The following PPP4C variants were observed in gnomAD, a reference collection of about 807,000 sequenced individuals.
PPP4C encodes protein phosphatase 4 catalytic subunit.
PPP4C carries 10 observed loss-of-function variants against 40.5 expected under a neutral mutation model. That is an observed-to-expected ratio of 0.25 (90% confidence interval 0.15 to 0.42). The LOEUF (loss-of-function observed/expected upper bound fraction) is 0.42. Ranked by LOEUF, PPP4C falls within the 10% of genes least tolerant of loss-of-function variation. The pLI, the probability that PPP4C is intolerant of heterozygous loss-of-function variation, is 1.00. For synonymous variants in PPP4C, 187 were observed against 163.6 expected (o/e 1.14, Z -1.09); for missense variants, 191 against 416.4 (o/e 0.46, Z 4.71).
chr16:30,076,163 G>C (rs1022766190), intron 1 of PPP4C, 69 bp downstream of exon 1: 59 of 580,538 alleles, frequency 1.0e-4, no homozygotes, highest in Non-Finnish European at 1.6e-4. Context: ...GGGAGTTAGC[G>C]GGGGTGCGGC....
intron 7 of PPP4C, 147 bp from the exon 8 acceptor site, chr16:30,084,519 C>A: frequency 1.4e-6 from 1 of 731,722 alleles, no homozygotes; most frequent in Non-Finnish European, 2.3e-6. Context: ...CCCCGCCATC[C>A]CACAGACCAT....
intron 2 of PPP4C, among the ~76,000 whole-genome samples, chr16:30,076,943 G>T (rs1408922997): frequency 6.6e-6 from 1 of 152,194 alleles, no homozygotes; most frequent in Non-Finnish European, 1.5e-5. Context: ...GAACTTTCAT[G>T]TTCAAAGTTA....
At position 30,085,145 on chromosome 16, in the gene PPP4C, C is replaced by T. The variant is rs2072596848; in HGVS notation, c.*83C>T. 16 of 1,476,226 alleles carry T rather than the reference C, an allele frequency of 1.1e-5. No individual in the cohort carries two copies. Among genetic ancestry groups the T allele is most frequent in the East Asian group, 4.6e-5 (2 of 43,228 alleles). The allele number at this position is 1,476,226 out of a possible 1,614,324, so 91.4% of individuals were successfully genotyped here. ...CCATCTTCCTCAGACGGAGGCTGGG[C>T]GTGGGGGGGGCTGTCCTGGCTCTGC... On this transcript the variant is annotated 3_prime_UTR_variant, in exon 9 of 9. Coordinates refer to ENST00000279387, the MANE Select transcript of PPP4C (RefSeq NM_002720.3).
intron 2 of PPP4C, among the ~76,000 whole-genome samples, chr16:30,079,336 C>G (rs549744505): frequency 3.3e-5 from 5 of 151,994 alleles, no homozygotes; most frequent in African/African-American, 1.2e-4. Flanking sequence ...ATTACAGGCA[C>G]GCGCCACCAT....
Position 30,085,287 on chromosome 16 carries a change from T to TTTCTTTTTTTCC in PPP4C, c.*235_*246dup. The TTTCTTTTTTTCC allele has an allele frequency of 4.9e-6, 2 of 409,886 alleles. No individual in the cohort carries two copies. The highest frequency in any genetic ancestry group is 4.1e-5 in the African/African-American group (2 of 48,956). 25.4% of individuals were successfully genotyped at this position (409,886 alleles called of 1,614,324 possible). A position where few individuals can be genotyped will look rare whatever the true frequency, so the allele number is the denominator to read the frequency against. On this transcript the variant is annotated 3_prime_UTR_variant, in exon 9 of 9. Coordinates refer to ENST00000279387, the MANE Select transcript of PPP4C (RefSeq NM_002720.3). ...ACCATGAAGTTTCCAATAATTTTTT[T>TTTCTTTTTTTCC]TTCTTTTTTTCCTTCTTTTTTCTGT...
chr16:30,080,160 CAT>C (rs2072476539), intron 2 of PPP4C, among the ~76,000 whole-genome samples: 1 of 151,812 alleles, frequency 6.6e-6, no homozygotes, highest in Non-Finnish European at 1.5e-5. Flanking sequence ...GCCTGGGCAA[CAT>C]AGTGAAATCT....
chr16:30,079,194 T>C (rs2072458784), intron 2 of PPP4C, among the ~76,000 whole-genome samples: 1 of 151,424 alleles, frequency 6.6e-6, no homozygotes, highest in Admixed American at 6.6e-5. Flanking sequence ...TTTTTTCTTT[T>C]TTTTTTTTTT....
chr16:30,081,842 C>G (rs2072513894), intron 3 of PPP4C, among the ~76,000 whole-genome samples: 4 of 151,944 alleles, frequency 2.6e-5, no homozygotes, highest in Admixed American at 2.6e-4. Flanking sequence ...ATCATGAGGT[C>G]AGGAGATCGA....
At chr16:30,080,058 C>CT (rs900766428) in intron 2 of PPP4C, among the ~76,000 whole-genome samples, 18 of 152,014 alleles carry the variant, frequency 1.2e-4, no homozygotes, top group Non-Finnish European at 2.1e-4. Context: ...AATTGGGTAT[C>CT]TATAGGCTGG....
rs1374851834 is a variant in PPP4C at position 30,085,280 on chromosome 16, A to T, written c.*218A>T. On this transcript the variant is annotated 3_prime_UTR_variant, in exon 9 of 9. Transcript: ENST00000279387. ...CACTTGAACCATGAAGTTTCCAATA[A>T]TTTTTTTTTCTTTTTTTCCTTCTTT... The T allele has an allele frequency of 1.2e-5, 5 of 406,750 alleles. No homozygotes were observed. Among genetic ancestry groups the T allele is most frequent in the Middle Eastern group, 6.4e-4 (1 of 1,568 alleles). The allele number at this position is 406,750 out of a possible 1,614,324, so 25.2% of individuals were successfully genotyped here.
In PPP4C at chr16:30,081,094, C is replaced by A. The variant is rs552971081; in HGVS notation, c.99-165C>A. 1.3e-5 allele frequency: 11 copies of A among 863,970 alleles called. No homozygotes were observed. The South Asian group carries it at 1.4e-4, about 11-fold the overall frequency. The allele number at this position is 863,970 out of a possible 1,614,324, so 53.5% of individuals were successfully genotyped here. A position where few individuals can be genotyped will look rare whatever the true frequency, so the allele number is the denominator to read the frequency against. ...AGCAGGGGGCCACGGAAGGGTGTTG[C>A]ATGCTGAAGGGCCGTGGTCAGCCTG... is the stretch of plus-strand genomic sequence containing the variant. On this transcript the variant is annotated intron_variant, in intron 2 of 8. Transcript: ENST00000279387.
chr16:30,084,036 A>C (rs1383015578), intron 7 of PPP4C, among the ~76,000 whole-genome samples: 1 of 152,238 alleles, frequency 6.6e-6, no homozygotes, highest in Admixed American at 6.5e-5. Flanking sequence ...CAGCTTCTTC[A>C]GAGGTCAGAA....
chr16:30,085,250 C>CT lies in PPP4C; in HGVS notation c.*189dup. ...CCTAGCTCCATGTTCCTCCTCCTCT[C>CT]TCCCCACTTGAACCATGAAGTTTCC... On this transcript the variant is annotated 3_prime_UTR_variant, in exon 9 of 9. Transcript: ENST00000279387. 1.9e-6 allele frequency: 1 copy of CT among 514,192 alleles called. No homozygotes were observed. Among genetic ancestry groups the CT allele is most frequent in the Non-Finnish European group, 3.3e-6 (1 of 300,582 alleles). 31.9% of individuals were successfully genotyped at this position (514,192 alleles called of 1,614,324 possible).
rs201483621 is a variant in PPP4C, at chr16:30,083,627, C to G, written c.478-28C>G. 14 of 1,613,980 alleles carry G rather than the reference C, an allele frequency of 8.7e-6. No individual in the cohort carries two copies. The highest frequency in any genetic ancestry group is 1.3e-5 in the African/African-American group (1 of 74,932). ...GGAGGGGGGCTTCAGGCCTCAGCCC[C>G]GTCCTCTTTCCCTGCTCTCCCCTGT... On this transcript the variant is annotated intron_variant, in intron 6 of 8. Transcript: ENST00000279387. The surrounding 1 kb of genome is among the most constrained non-coding windows in gnomAD (Gnocchi z 6.3).
intron 2 of PPP4C, among the ~76,000 whole-genome samples, chr16:30,080,766 A>T (rs1343330438): frequency 1.3e-5 from 2 of 152,120 alleles, no homozygotes; most frequent in Non-Finnish European, 2.9e-5. Context: ...TGGCATCCCA[A>T]AGTGCTGGGA....
At position 30,083,158 on chromosome 16, in the gene PPP4C, G is replaced by T. The variant is rs2072543215; in HGVS notation, c.304-236G>T. 3.3e-6 allele frequency: 2 copies of T among 605,002 alleles called. No individual in the cohort carries two copies. Among genetic ancestry groups the T allele is most frequent in the Non-Finnish European group, 5.8e-6 (2 of 343,812 alleles). 37.5% of individuals were successfully genotyped at this position (605,002 alleles called of 1,614,324 possible). On this transcript the variant is annotated intron_variant, in intron 5 of 8. Coordinates refer to ENST00000279387, the MANE Select transcript of PPP4C (RefSeq NM_002720.3). The surrounding 1 kb of genome is among the most constrained non-coding windows in gnomAD (Gnocchi z 6.3). ...TTGCTAGGGACCCGGTCTGTGTCTG[G>T]TAGGTGAAAGAAGAGCCATTAGGTT...
chr16:30,084,939 G>A lies in PPP4C; in HGVS notation c.801G>A (p.Gly267=), dbSNP rs759633567. ...CTGCTGCCCCGCCTTCCAGCTGTGG[G>A]AATGTGGCAGCCATCTTGGAGCTGG... ...WSAPNYCYRC[G]NVAAILELDE... is the part of the protein sequence containing the mutation. The change falls in exon 9 of 9, where the codon GGG becomes GGA. Residue 267 remains glycine, a synonymous_variant. Coordinates refer to ENST00000279387, the MANE Select transcript of PPP4C (RefSeq NM_002720.3). 6.2e-6 allele frequency: 10 copies of A among 1,613,972 alleles called. No individual in the cohort carries two copies. The East Asian group carries it at 1.3e-4, about 22-fold the overall frequency.
chr16:30,083,227 C>T lies in PPP4C; in HGVS notation c.304-167C>T, dbSNP rs920160073. ...TCAGCTTTACATTCTCTGGAGGGGT[C>T]GTGTGGGCCTGGGAGGTGGCTGATG... is the stretch of plus-strand genomic sequence containing the variant. On this transcript the variant is annotated intron_variant, in intron 5 of 8. Transcript: ENST00000279387. The surrounding 1 kb of genome is among the most constrained non-coding windows in gnomAD (Gnocchi z 6.3). The T allele has an allele frequency of 1.3e-5, 10 of 745,220 alleles. No homozygotes were observed. Among genetic ancestry groups the T allele is most frequent in the African/African-American group, 1.2e-4 (7 of 57,286 alleles). The allele number at this position is 745,220 out of a possible 1,614,324, so 46.2% of individuals were successfully genotyped here.
In PPP4C at chr16:30,076,423, C is replaced by T; in HGVS notation, c.46C>T (p.Arg16Cys). 1.2e-6 allele frequency: 2 copies of T among 1,613,408 alleles called. No homozygotes were observed. The highest frequency in any genetic ancestry group is 8.5e-7 in the Non-Finnish European group (1 of 1,179,860). ...DLDRQIEQLR[R>C]CELIKESEVK... Reference sequence around the variant, plus strand: ...GGACCGGCAGATCGAGCAGCTGCGTCGCTGCGAGCTCATCAAGGAGAGCGA... The same window carrying T: ...GGACCGGCAGATCGAGCAGCTGCGTTGCTGCGAGCTCATCAAGGAGAGCGA... The change falls in exon 2 of 9, where the codon CGC (arginine) becomes TGC (cysteine). Residue 16 changes from arginine to cysteine, a missense_variant. Arg to Cys is a radical substitution (Grantham distance 180). Around this residue, in one of 3 missense-constraint regions of PPP4C, gnomAD observed 171 missense variants for 352.4 expected, o/e 0.49. Coordinates refer to ENST00000279387, the MANE Select transcript of PPP4C (RefSeq NM_002720.3).
Sources: allele counts gnomAD v4.1 joint callset (sites outside exome capture counted in the v4.1 genomes callset), GRCh38; gene constraint gnomAD v4.1.1; regional missense constraint gnomAD v4.1.1; non-coding constraint Gnocchi (gnomAD v3.1); transcripts MANE v1.5; gene names NCBI Gene and HGNC (gene_info 2026-07-23, HGNC 2026-07-21).